The following SCLY variants were observed in gnomAD, a reference collection of about 807,000 sequenced individuals.
SCLY encodes the protein selenocysteine lyase, also known as putative selenocysteine lyase.
Under a neutral mutation model 50.1 loss-of-function variants are expected in SCLY, and 38 were observed. The observed-to-expected ratio is 0.76, with a 90% CI of 0.59 to 0.99. SCLY has a LOEUF of 0.99. Ranked by LOEUF, SCLY falls within the 50% of genes least tolerant of loss-of-function variation. The probability of loss-of-function intolerance (pLI) is 0.00; values close to 1 mark genes in which losing one functional copy is unlikely to be tolerated. For synonymous variants in SCLY, 243 were observed against 249.4 expected (o/e 0.97, Z 0.24); for missense variants, 600 against 620.0 (o/e 0.97, Z 0.34).
chr2:238,064,176 A>G (rs371337503), intron 1 of SCLY, among the ~76,000 whole-genome samples, 181 bp from the exon 2 acceptor site: 4 of 152,236 alleles, frequency 2.6e-5, no homozygotes, highest in African/African-American at 7.2e-5. Context: ...TGCATTTTCC[A>G]TAAGTAGTGT....
chr2:238,070,596 C>G (rs2065118397), intron 4 of SCLY, among the ~76,000 whole-genome samples: 1 of 152,052 alleles, frequency 6.6e-6, no homozygotes, highest in Non-Finnish European at 1.5e-5. Context: ...AGGAGAATCA[C>G]TTGGATCCTG....
chr2:238,076,566 ATTG>A (rs1377804620), intron 4 of SCLY, among the ~76,000 whole-genome samples: 1 of 150,412 alleles, frequency 6.6e-6, no homozygotes, highest in Non-Finnish European at 1.5e-5. Context: ...TTAAGAGTGT[ATTG>A]TTCTGCGGAA....
chr2:238,097,456 C>T (rs964510979), intron 11 of SCLY, among the ~76,000 whole-genome samples: 1 of 152,012 alleles, frequency 6.6e-6, no homozygotes, highest in East Asian at 1.9e-4. Flanking sequence ...TGTGGGAGGT[C>T]GGAGTGGACG....
intron 9 of SCLY, 155 bp from the exon 10 acceptor site, chr2:238,094,265 T>C: frequency 1.5e-6 from 1 of 688,886 alleles, no homozygotes; most frequent in Non-Finnish European, 2.5e-6. Flanking sequence ...TTAACTTTGC[T>C]TTCCATAGTC....
At chr2:238,096,735 C>A in intron 10 of SCLY, 66 bp from the exon 11 acceptor site, 2 of 1,528,944 alleles carry the variant, frequency 1.3e-6, no homozygotes, top group East Asian at 2.4e-5. Context: ...AGCAGGACCC[C>A]GGGAAGGGAC....
chr2:238,075,121 A>G (rs2065160987), intron 4 of SCLY, among the ~76,000 whole-genome samples: 1 of 152,156 alleles, frequency 6.6e-6, no homozygotes, highest in African/African-American at 2.4e-5. Flanking sequence ...TTATCATGAA[A>G]GGGGTGTTGG....
chr2:238,086,708 T>TAAAAAAAAA (rs386393003), intron 7 of SCLY, among the ~76,000 whole-genome samples: 1 of 97,710 alleles, frequency 1.0e-5, no homozygotes, highest in Non-Finnish European at 1.8e-5. Context: ...CCTGTCTCTT[T>TAAAAAAAAA]AAAAAAAAAA....
Position 238,082,042 on chromosome 2 carries a change from C to T in SCLY, c.613-3C>T, listed in dbSNP as rs776352651. The T allele has an allele frequency of 3.6e-5, 58 of 1,610,854 alleles. 1 individual carries two copies. The South Asian group carries it at 5.1e-4, about 14-fold the overall frequency. ...ATACTCAACTGTTTCCTTTCCCCGT[C>T]AGCCTGTCCCTGAAATCAGTCAGCG... On this transcript the variant is annotated splice_region_variant and splice_polypyrimidine_tract_variant and intron_variant, in intron 5 of 11. Coordinates refer to ENST00000254663, the MANE Select transcript of SCLY (RefSeq NM_016510.7).
At chr2:238,091,551 AT>A in intron 8 of SCLY, 21 of 404,392 alleles carry the variant, frequency 5.2e-5, no homozygotes, top group South Asian at 1.5e-4. Context: ...CAGGTTCACC[AT>A]TCCCAAAGGC....
chr2:238,078,860 T>C (rs1220344720), intron 4 of SCLY: 1 of 151,626 alleles, frequency 6.6e-6, no homozygotes, highest in Non-Finnish European at 1.5e-5. Context: ...GCCCATCTAA[T>C]TGTTGTATTT....
intron 1 of SCLY, among the ~76,000 whole-genome samples, chr2:238,063,199 C>T (rs566448160): frequency 6.6e-6 from 1 of 151,148 alleles, no homozygotes; most frequent in Admixed American, 6.6e-5. Flanking sequence ...GACCTGGAGG[C>T]TGGGGAGGTA....
At chr2:238,084,590 C>CAAAAAA (rs539648649) in intron 7 of SCLY, among the ~76,000 whole-genome samples, 12 of 44,702 alleles carry the variant, frequency 2.7e-4, no homozygotes, top group East Asian at 7.4e-4. Context: ...GACTCTGTCT[C>CAAAAAA]AAAAAAAAAA....
chr2:238,093,629 C>A, intron 8 of SCLY: 1 of 547,488 alleles, frequency 1.8e-6, no homozygotes. Context: ...CCTTTCAGGG[C>A]TGCTTTGCTG....
intron 1 of SCLY, among the ~76,000 whole-genome samples, chr2:238,063,670 C>T (rs1559240514): frequency 2.0e-5 from 3 of 152,208 alleles, no homozygotes; most frequent in African/African-American, 2.4e-5. Context: ...CCAAAGTTCA[C>T]CTGCCCCAGG....
rs1691356518 is a variant in SCLY at position 238,098,661 on chromosome 2, A to AG, written c.*307dup. 1.7e-4 allele frequency: 34 copies of AG among 204,722 alleles called. No homozygotes were observed. The highest frequency in any genetic ancestry group is 6.8e-4 in the African/African-American group (22 of 32,492). 12.7% of individuals were successfully genotyped at this position (204,722 alleles called of 1,614,324 possible). A position where few individuals can be genotyped will look rare whatever the true frequency, so the allele number is the denominator to read the frequency against. ...ACCGCCCACATGGGACCGCCCACAT[A>AG]GAACCGTCCTCCAGTGGTGAAGCGG... On this transcript the variant is annotated 3_prime_UTR_variant, in exon 12 of 12. Coordinates refer to ENST00000254663, the MANE Select transcript of SCLY (RefSeq NM_016510.7).
intron 8 of SCLY, chr2:238,091,540 G>GATA: frequency 5.6e-6 from 2 of 358,372 alleles, no homozygotes; most frequent in East Asian, 1.0e-4. Flanking sequence ...GTGTCAAGCT[G>GATA]CAGGTTCACC....
At chr2:238,092,089 AGT>A (rs1416782167) in intron 8 of SCLY, 2 of 152,266 alleles carry the variant, frequency 1.3e-5, no homozygotes, top group African/African-American at 4.8e-5. Context: ...TAGAAGGAAG[AGT>A]GTGTGTTTGT....
In SCLY at chr2:238,064,410, A is replaced by G; in HGVS notation, c.143A>G (p.Gln48Arg). The G allele has an allele frequency of 6.2e-7, 1 of 1,611,682 alleles. No homozygotes were observed. The highest frequency in any genetic ancestry group is 1.3e-5 in the African/African-American group (1 of 74,882). Residue 48 changes from glutamine (Q) to arginine (R), a missense_variant, in exon 2 of 12, where the codon CAG (glutamine) becomes CGG (arginine). Transcript: ENST00000254663. ...ACTCCCCTGGAGCCAGAAGTTATCC[A>G]GGCCATGACCAAGGCCATGTGGGAA... ...ATTPLEPEVIQAMTKAMWEAW... is the reference protein window; with the variant it reads ...ATTPLEPEVIRAMTKAMWEAW...
In SCLY at chr2:238,098,800, T is replaced by G; in HGVS notation, c.*445T>G. 3 of 352,704 alleles carry G rather than the reference T, an allele frequency of 8.5e-6. No individual in the cohort carries two copies. The highest frequency in any genetic ancestry group is 1.5e-5 in the Non-Finnish European group (3 of 198,204). 21.8% of individuals were successfully genotyped at this position (352,704 alleles called of 1,614,324 possible). A position where few individuals can be genotyped will look rare whatever the true frequency, so the allele number is the denominator to read the frequency against. Reference sequence around the variant, plus strand: ...ATAGAATCCAAGTATTTATAACTCATTGTCAGCCAAATGCTATCATGAACG... The same window carrying G: ...ATAGAATCCAAGTATTTATAACTCAGTGTCAGCCAAATGCTATCATGAACG... On this transcript the variant is annotated 3_prime_UTR_variant, in exon 12 of 12. Coordinates refer to ENST00000254663, the MANE Select transcript of SCLY (RefSeq NM_016510.7).
Sources: gnomAD v4.1 joint callset for allele counts (sites outside exome capture counted in the v4.1 genomes callset) on GRCh38, gnomAD v4.1.1 for gene constraint, MANE v1.5 for transcripts, NCBI Gene and HGNC (gene_info 2026-07-23, HGNC 2026-07-21) for gene names.